Variants in PIEZO2 observed in about 807,000 individuals in gnomAD.
The protein encoded by PIEZO2 is piezo type mechanosensitive ion channel component 2.
PIEZO2 carries 172 observed loss-of-function variants against 337.3 expected under a neutral mutation model. The ratio of observed to expected loss-of-function variants is 0.51; its 90% CI spans 0.45 to 0.58. The LOEUF is 0.58. Among genes scored for constraint, PIEZO2 ranks in the 20% least tolerant of loss-of-function variants. PIEZO2 has a pLI of 0.00. For synonymous variants in PIEZO2, 1,251 were observed against 1,228.5 expected (o/e 1.02, Z -0.38); for missense variants, 3,028 against 3,391.3 (o/e 0.89, Z 2.66).
chr18:10,855,001 G>A lies in PIEZO2; in HGVS notation c.917+352C>T, dbSNP rs1000142338. The stretch of plus-strand genomic sequence containing the variant: ...TTCTCGTATATTAGGCCCATGAAAC[G>A]CCTTTCTAGCTGGATGCTGTGGCAC... On this transcript the variant is annotated intron_variant, in intron 7 of 55. Transcript: ENST00000674853. The surrounding 1 kb of genome is among the most constrained non-coding windows in gnomAD (Gnocchi z 4.9). Among the ~76,000 whole-genome samples, 2 of 152,128 alleles carry A rather than the reference G, an allele frequency of 1.3e-5. No individual in the cohort carries two copies. Among genetic ancestry groups the A allele is most frequent in the African/African-American group, 4.8e-5 (2 of 41,434 alleles).
At chr18:10,734,278 A>T (rs2036906518) in intron 35 of PIEZO2, among the ~76,000 whole-genome samples, 2 of 152,212 alleles carry the variant, frequency 1.3e-5, no homozygotes, top group South Asian at 4.1e-4. Flanking sequence ...AAAAAACAGG[A>T]TCCTGGCATT....
At chr18:10,914,547 T>G (rs2030774961) in intron 3 of PIEZO2, among the ~76,000 whole-genome samples, 1 of 152,218 alleles carries the variant, frequency 6.6e-6, no homozygotes, top group African/African-American at 2.4e-5. Flanking sequence ...TATATTGTAC[T>G]GCTTTTTACA....
chr18:10,682,400 A>T lies in PIEZO2; in HGVS notation c.7498-108T>A, dbSNP rs2034306314. The T allele has an allele frequency of 2.0e-6, 2 of 999,692 alleles. No individual in the cohort carries two copies. Among genetic ancestry groups the T allele is most frequent in the Non-Finnish European group, 1.4e-6 (1 of 697,758 alleles). 61.9% of individuals were successfully genotyped at this position (999,692 alleles called of 1,614,324 possible). On this transcript the variant is annotated intron_variant, in intron 49 of 55. Coordinates refer to ENST00000674853, the MANE Select transcript of PIEZO2 (RefSeq NM_001378183.1). The surrounding 1 kb of genome is among the most constrained non-coding windows in gnomAD (Gnocchi z 5.6). ...TCTTCCTGTGGTGCTGGGAACATGG[A>T]TTTGGCCCTGAATCTTCTCTGTTCG... is the stretch of plus-strand genomic sequence containing the variant.
chr18:10,857,124 C>T lies in PIEZO2; in HGVS notation c.580G>A (p.Glu194Lys), dbSNP rs2041729037. Reference protein sequence around the residue: ...GGDGVEGELEESTKLKMFRRL... With the variant: ...GGDGVEGELEKSTKLKMFRRL... ...CGGAACATTTTTAACTTCGTGCTTT[C>T]TTCCAACTCGCCTTCAACACCATCT... Residue 194 changes from glutamate to lysine, a missense_variant, in exon 6 of 56, where the codon GAA becomes AAA. Coordinates refer to ENST00000674853, the MANE Select transcript of PIEZO2 (RefSeq NM_001378183.1). 5.9e-6 allele frequency: 9 copies of T among 1,537,862 alleles called. No homozygotes were observed. Among genetic ancestry groups the T allele is most frequent in the Non-Finnish European group, 7.8e-6 (9 of 1,147,046 alleles).
intron 1 of PIEZO2, among the ~76,000 whole-genome samples, chr18:11,133,808 G>GTA (rs145467043): frequency 0.27 from 39,126 of 146,918 alleles, 5,929 homozygotes; most frequent in Middle Eastern, 0.46. Context: ...ATATATGTGT[G>GTA]TATATATATA....
At chr18:10,932,252 A>G (rs1038659963) in intron 3 of PIEZO2, among the ~76,000 whole-genome samples, 1 of 151,988 alleles carries the variant, frequency 6.6e-6, no homozygotes, top group Non-Finnish European at 1.5e-5. Flanking sequence ...AAAAATTAGC[A>G]GGGTATGGTG....
intron 45 of PIEZO2, among the ~76,000 whole-genome samples, chr18:10,697,232 T>C (rs983095174): frequency 6.6e-6 from 1 of 152,160 alleles, no homozygotes; most frequent in African/African-American, 2.4e-5. Flanking sequence ...GCTCTCCTGC[T>C]CTCAGAGCCT....
At chr18:11,017,143 G>A (rs143088542) in intron 2 of PIEZO2, among the ~76,000 whole-genome samples, 15 of 152,324 alleles carry the variant, frequency 9.8e-5, no homozygotes, top group African/African-American at 2.9e-4. Flanking sequence ...ACTTGGACAC[G>A]TTAATGAAGT....
intron 22 of PIEZO2, 27 bp from the exon 23 acceptor site, chr18:10,762,652 A>G (rs1380450895): frequency 6.5e-7 from 1 of 1,533,338 alleles, no homozygotes; most frequent in Non-Finnish European, 8.7e-7. Flanking sequence ...ATGGAGTAAA[A>G]AAAAATAGCT....
At chr18:10,700,362 G>C (rs1037527468) in intron 43 of PIEZO2, among the ~76,000 whole-genome samples, 2 of 151,760 alleles carry the variant, frequency 1.3e-5, no homozygotes, top group African/African-American at 4.8e-5. Flanking sequence ...AAAAGCTATG[G>C]GGTAGCTTGT....
intron 3 of PIEZO2, among the ~76,000 whole-genome samples, chr18:10,923,348 A>T (rs2031538275): frequency 6.6e-6 from 1 of 152,218 alleles, no homozygotes; most frequent in African/African-American, 2.4e-5. Context: ...TTACTTCCTA[A>T]GTGACAAATC....
rs1407078640 is a variant in PIEZO2 at position 10,862,617 on chromosome 18, C to T, written c.493-5406G>A. Among the ~76,000 whole-genome samples, 1 of 152,204 alleles carries T rather than the reference C, an allele frequency of 6.6e-6. No homozygotes were observed. The highest frequency in any genetic ancestry group is 1.5e-5 in the Non-Finnish European group (1 of 68,044). ...CATTACTCCCAAGCACTCTAAAAAT[C>T]CAACTGGGTTGGAATAAATCCTAAG... is the stretch of plus-strand genomic sequence containing the variant. On this transcript the variant is annotated intron_variant, in intron 5 of 55. Coordinates refer to ENST00000674853, the MANE Select transcript of PIEZO2 (RefSeq NM_001378183.1). The surrounding 1 kb of genome is among the most constrained non-coding windows in gnomAD (Gnocchi z 4.4).
intron 27 of PIEZO2, 53 bp from the exon 28 acceptor site, chr18:10,752,932 C>A: frequency 1.3e-6 from 2 of 1,500,258 alleles, no homozygotes; most frequent in South Asian, 1.3e-5. Flanking sequence ...CAAACAAAAG[C>A]AAAATCAGGA....
intron 1 of PIEZO2, among the ~76,000 whole-genome samples, chr18:11,136,050 T>A (rs2040475044): frequency 6.6e-6 from 1 of 152,250 alleles, no homozygotes; most frequent in Admixed American, 6.5e-5. Flanking sequence ...AAAATTTTGA[T>A]ACCCAATTTA....
chr18:10,763,341 A>G (rs2143891829), intron 21 of PIEZO2: 1 of 500,420 alleles, frequency 2.0e-6, no homozygotes, highest in Non-Finnish European at 3.6e-6. Flanking sequence ...AATATCATGT[A>G]GCACTGGCTA....
In PIEZO2 at chr18:10,773,263, T is replaced by G. The variant is rs776700476; in HGVS notation, c.2785+149A>C. On this transcript the variant is annotated intron_variant, in intron 20 of 55. Coordinates refer to ENST00000674853, the MANE Select transcript of PIEZO2 (RefSeq NM_001378183.1). The surrounding 1 kb of genome is among the most constrained non-coding windows in gnomAD (Gnocchi z 5.3). ...TGTTGGAGCAATTGGAACAGTAATATTATAACTATAGCAATCAAACAAAAA... is the reference window on the plus strand; with the variant it reads ...TGTTGGAGCAATTGGAACAGTAATAGTATAACTATAGCAATCAAACAAAAA... 1 of 765,678 alleles carries G rather than the reference T, an allele frequency of 1.3e-6. No individual in the cohort carries two copies. Among genetic ancestry groups the G allele is most frequent in the East Asian group, 2.7e-5 (1 of 37,320 alleles). 47.4% of individuals were successfully genotyped at this position (765,678 alleles called of 1,614,324 possible). A position where few individuals can be genotyped will look rare whatever the true frequency, so the allele number is the denominator to read the frequency against.
intron 2 of PIEZO2, among the ~76,000 whole-genome samples, chr18:10,986,008 T>C (rs971146205): frequency 9.2e-5 from 14 of 152,036 alleles, no homozygotes; most frequent in Non-Finnish European, 1.6e-4. Flanking sequence ...ACACATAGGC[T>C]GAAAATGGGA....
intron 5 of PIEZO2, among the ~76,000 whole-genome samples, chr18:10,865,889 T>C (rs1213022633): frequency 6.6e-6 from 1 of 152,182 alleles, no homozygotes; most frequent in African/African-American, 2.4e-5. Flanking sequence ...GGCTCTGCAA[T>C]TGCCTCACAC....
chr18:10,987,145 A>G (rs533011036), intron 2 of PIEZO2, among the ~76,000 whole-genome samples: 3 of 152,242 alleles, frequency 2.0e-5, no homozygotes, highest in Non-Finnish European at 4.4e-5. Context: ...AAAGGAATCT[A>G]CAGATTCAAT....
Sources: allele counts gnomAD v4.1 joint callset (sites outside exome capture counted in the v4.1 genomes callset), GRCh38; gene constraint gnomAD v4.1.1; non-coding constraint Gnocchi (gnomAD v3.1); transcripts MANE v1.5; gene names NCBI Gene and HGNC (gene_info 2026-07-23, HGNC 2026-07-21).